PELI2: variants seen among roughly 807,000 people sequenced by gnomAD.
The protein encoded by PELI2 is E3 ubiquitin-protein ligase pellino homolog 2.
PELI2 carries 23 observed loss-of-function variants against 42.3 expected under a neutral mutation model. The ratio of observed to expected loss-of-function variants is 0.54; its 90% confidence interval spans 0.39 to 0.77. The LOEUF (loss-of-function observed/expected upper bound fraction) is 0.77. PELI2 is among the 30% of genes least tolerant of loss of function. The pLI is 0.00. For missense variants in PELI2, 463 were observed against 553.2 expected (o/e 0.84, Z 1.64); for synonymous variants, 245 against 212.2 (o/e 1.15, Z -1.34).
At chr14:56,212,246 G>A (rs1195521853) in intron 2 of PELI2, among the ~76,000 whole-genome samples, 1 of 152,194 alleles carries the variant, frequency 6.6e-6, no homozygotes, top group Non-Finnish European at 1.5e-5. Flanking sequence ...TAGGTATTGA[G>A]CATAGCTGGT....
intron 5 of PELI2, chr14:56,292,840 C>G: frequency 2.1e-6 from 2 of 948,538 alleles, no homozygotes; most frequent in Non-Finnish European, 2.5e-6. Flanking sequence ...TTGTGCCCTC[C>G]TTTTTTAGCT....
In PELI2 at chr14:56,300,834, C is replaced by A. The variant is rs1320718460; in HGVS notation, c.*3668C>A. On this transcript the variant is annotated 3_prime_UTR_variant, in exon 6 of 6. Transcript: ENST00000267460. Reference sequence around the variant, plus strand: ...AGGTTATGATGCGCCTCCTTCTGTGCGACCAATGAGACGACTTCAGCATCT... The same window carrying A: ...AGGTTATGATGCGCCTCCTTCTGTGAGACCAATGAGACGACTTCAGCATCT... 1 of 152,092 alleles carries A rather than the reference C, an allele frequency of 6.6e-6. No homozygotes were observed. Among genetic ancestry groups the A allele is most frequent in the African/African-American group, 2.4e-5 (1 of 41,414 alleles). The allele number at this position is 152,092 out of a possible 1,614,324, so 9.4% of individuals were successfully genotyped here.
At chr14:56,178,052 C>T (rs77584279) in intron 1 of PELI2, among the ~76,000 whole-genome samples, 3,257 of 152,206 alleles carry the variant, frequency 0.021, 108 homozygotes, top group African/African-American at 0.073. Flanking sequence ...TACTCATTTG[C>T]TTATTTATAC....
chr14:56,129,972 C>T (rs1420446068), intron 1 of PELI2, among the ~76,000 whole-genome samples: 1 of 152,190 alleles, frequency 6.6e-6, no homozygotes, highest in Non-Finnish European at 1.5e-5. Flanking sequence ...GCCATTTCTT[C>T]AGGGTGCTCC....
chr14:56,149,798 C>G (rs1355497042), intron 1 of PELI2, among the ~76,000 whole-genome samples: 1 of 152,116 alleles, frequency 6.6e-6, no homozygotes, highest in African/African-American at 2.4e-5. Flanking sequence ...TCTAAAAGCT[C>G]AAGTATCTTT....
At chr14:56,240,712 G>A (rs1028153284) in intron 2 of PELI2, among the ~76,000 whole-genome samples, 3 of 152,076 alleles carry the variant, frequency 2.0e-5, no homozygotes, top group African/African-American at 7.2e-5. Flanking sequence ...AGGGGACTAG[G>A]GGGTAAAGAG....
intron 2 of PELI2, among the ~76,000 whole-genome samples, chr14:56,181,573 CT>C (rs1885580715): frequency 1.3e-5 from 2 of 152,136 alleles, no homozygotes; most frequent in Middle Eastern, 3.4e-3. Context: ...AGCTCTTTGC[CT>C]TTTGGCTGTC....
At chr14:56,119,521 C>A (rs111369965) in intron 1 of PELI2, among the ~76,000 whole-genome samples, 2,255 of 152,320 alleles carry the variant, frequency 0.015, 59 homozygotes, top group African/African-American at 0.052. Context: ...GCCTCGGCTC[C>A]CTCTCTGCTG....
chr14:56,188,972 C>T (rs1331107527), intron 2 of PELI2, among the ~76,000 whole-genome samples: 2 of 152,016 alleles, frequency 1.3e-5, no homozygotes, highest in Non-Finnish European at 2.9e-5. Flanking sequence ...CCAGCCTGAC[C>T]AATATGGTGA....
intron 1 of PELI2, among the ~76,000 whole-genome samples, chr14:56,149,676 C>T (rs1884265168): frequency 1.3e-5 from 2 of 151,896 alleles, no homozygotes; most frequent in African/African-American, 2.4e-5. Flanking sequence ...TTTACCTGAC[C>T]TTCAGGAGTT....
chr14:56,216,465 A>G (rs1020595660), intron 2 of PELI2, among the ~76,000 whole-genome samples: 3 of 152,270 alleles, frequency 2.0e-5, no homozygotes, highest in African/African-American at 7.2e-5. Context: ...TTTGTAAAAC[A>G]CACATACTCA....
chr14:56,225,172 A>G (rs1887298009), intron 2 of PELI2, among the ~76,000 whole-genome samples: 1 of 152,168 alleles, frequency 6.6e-6, no homozygotes, highest in Non-Finnish European at 1.5e-5. Flanking sequence ...GTAAACAGGG[A>G]AACGATGGGG....
At chr14:56,268,420 A>G (rs1888979603) in intron 2 of PELI2, among the ~76,000 whole-genome samples, 1 of 152,198 alleles carries the variant, frequency 6.6e-6, no homozygotes, top group South Asian at 2.1e-4. Flanking sequence ...GACTAGATAG[A>G]TATCTCCTTA....
At chr14:56,264,712 A>G (rs562758013) in intron 2 of PELI2, among the ~76,000 whole-genome samples, 7 of 152,300 alleles carry the variant, frequency 4.6e-5, no homozygotes, top group African/African-American at 1.7e-4. Context: ...TTATTATGTG[A>G]TTATTTGTAA....
intron 3 of PELI2, among the ~76,000 whole-genome samples, chr14:56,287,658 A>G (rs1889688874): frequency 1.3e-5 from 2 of 152,118 alleles, no homozygotes; most frequent in African/African-American, 2.4e-5. Flanking sequence ...TAAGGGTGAT[A>G]AAAAAACAAA....
chr14:56,254,139 G>A (rs1888444909), intron 2 of PELI2, among the ~76,000 whole-genome samples: 4 of 152,128 alleles, frequency 2.6e-5, no homozygotes, highest in South Asian at 2.1e-4. Context: ...GGTGGCTCAC[G>A]CCTGTAATCC....
At chr14:56,216,404 G>A (rs1193302613) in intron 2 of PELI2, among the ~76,000 whole-genome samples, 1 of 152,198 alleles carries the variant, frequency 6.6e-6, no homozygotes, top group Non-Finnish European at 1.5e-5. Flanking sequence ...TAAACTTCTT[G>A]TTCAGCAAAG....
chr14:56,154,772 C>T (rs565322168), intron 1 of PELI2, among the ~76,000 whole-genome samples: 1 of 152,280 alleles, frequency 6.6e-6, no homozygotes, highest in African/African-American at 2.4e-5. Flanking sequence ...ATAGACCCTT[C>T]AAATTAGAAT....
At chr14:56,157,814 T>G (rs188993050) in intron 1 of PELI2, among the ~76,000 whole-genome samples, 107 of 152,268 alleles carry the variant, frequency 7.0e-4, no homozygotes, top group African/African-American at 2.0e-3. Flanking sequence ...CCATGAAATG[T>G]TAAAAGGAAA....
Sources: allele counts gnomAD v4.1 joint callset (sites outside exome capture counted in the v4.1 genomes callset), GRCh38; gene constraint gnomAD v4.1.1; transcripts MANE v1.5; gene names NCBI Gene and HGNC (gene_info 2026-07-23, HGNC 2026-07-21).